The following MOCOS variants were observed in gnomAD, a reference collection of about 807,000 sequenced individuals.
MOCOS encodes human molybdenum cofactor sulfurase.
MOCOS carries 86 observed loss-of-function variants against 83.6 expected under a neutral mutation model. The ratio of observed to expected loss-of-function variants is 1.03; its 90% CI spans 0.86 to 1.23. The LOEUF is 1.23. Among genes scored for constraint, MOCOS ranks in the 50% most tolerant of loss-of-function variants. MOCOS has a pLI of 0.00. For missense variants in MOCOS, 1,120 were observed against 1,126.9 expected, an observed-to-expected ratio of 0.99 and a Z score of 0.09; for synonymous variants, 445 against 434.7, an observed-to-expected ratio of 1.02 and a Z score of -0.29.
chr18:36,267,107 CA>C (rs199868648), intron 14 of MOCOS, among the ~76,000 whole-genome samples: 2 of 151,124 alleles, frequency 1.3e-5, no homozygotes, highest in Admixed American at 6.6e-5. Context: ...ATATGGAGTA[CA>C]AAAAAAACAA....
intron 8 of MOCOS, among the ~76,000 whole-genome samples, chr18:36,218,559 G>T (rs1378749671): frequency 6.6e-6 from 1 of 152,086 alleles, no homozygotes; most frequent in African/African-American, 2.4e-5. Flanking sequence ...CTGTCTCCCA[G>T]GCTGGAATAC....
rs760681657 is a variant in MOCOS at position 36,199,991 on chromosome 18, A to G, written c.608A>G (p.Gln203Arg). ...CCGCATCTCTTCTGCTACCCAGCTC[A>G]GAGTAACTTTTCTGGAGTCAGATAC... ...QLPHLFCYPA[Q>R]SNFSGVRYPL... The change falls in exon 4 of 15, where the codon CAG becomes CGG. Residue 203 changes from glutamine to arginine, a missense_variant. Coordinates refer to ENST00000261326, the MANE Select transcript of MOCOS (RefSeq NM_017947.4). 1.9e-6 allele frequency: 3 copies of G among 1,614,244 alleles called. No homozygotes were observed. Among genetic ancestry groups the G allele is most frequent in the South Asian group, 1.1e-5 (1 of 91,082 alleles).
At position 36,271,521 on chromosome 18, in the gene MOCOS, G is replaced by A. The variant is rs1471534272; in HGVS notation, c.*2836G>A. 1 of 151,890 alleles carries A rather than the reference G, an allele frequency of 6.6e-6. No homozygotes were observed. The highest frequency in any genetic ancestry group is 2.4e-5 in the African/African-American group (1 of 41,326). The allele number at this position is 151,890 out of a possible 1,614,324, so 9.4% of individuals were successfully genotyped here. A position where few individuals can be genotyped will look rare whatever the true frequency, so the allele number is the denominator to read the frequency against. On this transcript the variant is annotated 3_prime_UTR_variant, in exon 15 of 15. Coordinates refer to ENST00000261326, the MANE Select transcript of MOCOS (RefSeq NM_017947.4). ...TTTATGATTTTATGTCCCCTCCTTGGTTCTTATCTCCTGGAGTTCAGCCTT... is the reference window on the plus strand; with the variant it reads ...TTTATGATTTTATGTCCCCTCCTTGATTCTTATCTCCTGGAGTTCAGCCTT...
intron 2 of MOCOS, among the ~76,000 whole-genome samples, chr18:36,198,424 AT>A (rs2091398667): frequency 6.6e-6 from 1 of 152,136 alleles, no homozygotes; most frequent in Non-Finnish European, 1.5e-5. Context: ...GATGTAGCAT[AT>A]TTTGTTTATC....
chr18:36,202,352 G>A (rs1474031502), intron 4 of MOCOS, among the ~76,000 whole-genome samples: 2 of 152,100 alleles, frequency 1.3e-5, no homozygotes, highest in Admixed American at 1.3e-4. Context: ...ATGGGGTCTT[G>A]CTATCTAGAG....
chr18:36,244,629 T>C (rs1298285907), intron 9 of MOCOS, among the ~76,000 whole-genome samples: 1 of 152,158 alleles, frequency 6.6e-6, no homozygotes, highest in East Asian at 1.9e-4. Flanking sequence ...TAAATATCTG[T>C]TAAGTCCATT....
At chr18:36,262,241 G>GTC (rs1217623339) in intron 13 of MOCOS, among the ~76,000 whole-genome samples, 1 of 7,582 alleles carries the variant, frequency 1.3e-4, no homozygotes, top group East Asian at 5.3e-3. Flanking sequence ...GCAAGACTTC[G>GTC]TCTCTCTCTA....
chr18:36,257,023 G>A lies in MOCOS; in HGVS notation c.2220G>A (p.Leu740=). ...CTCTGGTGAATGAGGCACAGTATCT[G>A]CTGATCAACACATCCAGTATTTTGG... ...TLSLVNEAQY[L]LINTSSILEL... is the part of the protein sequence containing the mutation. The change falls in exon 12 of 15, where the codon CTG becomes CTA. Residue 740 remains leucine, a synonymous_variant. Transcript: ENST00000261326. 1 of 1,614,134 alleles carries A rather than the reference G, an allele frequency of 6.2e-7. No homozygotes were observed. The highest frequency in any genetic ancestry group is 1.1e-5 in the South Asian group (1 of 91,082).
chr18:36,245,478 T>C (rs2091599078), intron 9 of MOCOS, among the ~76,000 whole-genome samples: 1 of 152,218 alleles, frequency 6.6e-6, no homozygotes, highest in Non-Finnish European at 1.5e-5. Flanking sequence ...ACTTGCAAGG[T>C]TTCTGCTGAG....
At position 36,215,511 on chromosome 18, in the gene MOCOS, C is replaced by G. The variant is rs1229575230; in HGVS notation, c.1336-5C>G. The G allele has an allele frequency of 6.2e-7, 1 of 1,613,208 alleles. No individual in the cohort carries two copies. Among genetic ancestry groups the G allele is most frequent in the African/African-American group, 1.3e-5 (1 of 74,908 alleles). On this transcript the variant is annotated splice_polypyrimidine_tract_variant and splice_region_variant and intron_variant, in intron 7 of 14. Coordinates refer to ENST00000261326, the MANE Select transcript of MOCOS (RefSeq NM_017947.4). ...TCTGGCTGATGCACTTCCCTCTTAT[C>G]CTAGGCTGGTCATGTCTGTGGGGAC...
At position 36,268,728 on chromosome 18, in the gene MOCOS, A is replaced by G. The variant is rs2091690051; in HGVS notation, c.*43A>G. On this transcript the variant is annotated 3_prime_UTR_variant, in exon 15 of 15. Transcript: ENST00000261326. ...AAGTTTCTCTTTTACAGTGATCTCT[A>G]TTATTGTTAAGATCTGCAACTTGGT... The G allele has an allele frequency of 2.0e-6, 3 of 1,519,146 alleles. No individual in the cohort carries two copies. Among genetic ancestry groups the G allele is most frequent in the Non-Finnish European group, 2.7e-6 (3 of 1,095,232 alleles). 94.1% of individuals were successfully genotyped at this position (1,519,146 alleles called of 1,614,324 possible).
chr18:36,207,127 C>T (rs1388015336), intron 6 of MOCOS, among the ~76,000 whole-genome samples: 4 of 152,174 alleles, frequency 2.6e-5, no homozygotes, highest in Non-Finnish European at 4.4e-5. Flanking sequence ...AACTCCGCCT[C>T]CTGGGTTCAA....
In MOCOS at chr18:36,239,629, C is replaced by T. The variant is rs1311651180; in HGVS notation, c.1961-9293C>T. Among the ~76,000 whole-genome samples the T allele has an allele frequency of 4.1e-5, 6 of 146,614 alleles. No homozygotes were observed. The South Asian group carries it at 6.5e-4, about 16-fold the overall frequency. On this transcript the variant is annotated intron_variant, in intron 9 of 14. Transcript: ENST00000261326. Reference sequence around the variant, plus strand: ...TTATGTGTCTTGGAGTTGCTCTTCTCGAGGAATATCTTTGTGGCGTTCTCC... The same window carrying T: ...TTATGTGTCTTGGAGTTGCTCTTCTTGAGGAATATCTTTGTGGCGTTCTCC...
intron 13 of MOCOS, among the ~76,000 whole-genome samples, chr18:36,263,403 AC>A (rs1318053450): frequency 6.6e-6 from 1 of 152,258 alleles, no homozygotes. Flanking sequence ...AAGTGTTTCA[AC>A]CCATGGAATG....
rs1271103528 is a variant in MOCOS at position 36,216,012 on chromosome 18, CT to C, written c.1797+38del. The C allele has an allele frequency of 3.2e-6, 5 of 1,561,990 alleles. No homozygotes were observed. In the African/African-American group the frequency reaches 6.8e-5, roughly 21 times the overall value. On this transcript the variant is annotated intron_variant, in intron 8 of 14. Transcript: ENST00000261326. Reference sequence around the variant, plus strand: ...TTCACAGCAGCACAGAAAGTCTTCTCTTTGTTTACTCTCTCTATTTTTTGAT... The same window carrying C: ...TTCACAGCAGCACAGAAAGTCTTCTCTTGTTTACTCTCTCTATTTTTTGAT...
At chr18:36,211,699 A>T (rs982824304) in intron 6 of MOCOS, among the ~76,000 whole-genome samples, 2 of 152,074 alleles carry the variant, frequency 1.3e-5, no homozygotes, top group Non-Finnish European at 2.9e-5. Context: ...GATGCATAAA[A>T]GGGAAATTAG....
At chr18:36,249,075 A>G (rs1267431807) in intron 10 of MOCOS, 75 bp downstream of exon 10, 3 of 1,252,054 alleles carry the variant, frequency 2.4e-6, no homozygotes, top group African/African-American at 1.5e-5. Context: ...GTAATGCCCT[A>G]TGCAATCTAT....
intron 7 of MOCOS, among the ~76,000 whole-genome samples, chr18:36,213,841 A>T (rs994555334): frequency 3.3e-5 from 5 of 151,988 alleles, no homozygotes; most frequent in Non-Finnish European, 5.9e-5. Flanking sequence ...AGGCAGGAGA[A>T]TCGTTTGAGC....
At chr18:36,218,907 C>T (rs1398067767) in intron 8 of MOCOS, among the ~76,000 whole-genome samples, 7 of 150,580 alleles carry the variant, frequency 4.6e-5, no homozygotes, top group East Asian at 1.9e-4. Context: ...CTCGCTCTGT[C>T]GCCCAGACTG....
Sources: allele counts gnomAD v4.1 joint callset (sites outside exome capture counted in the v4.1 genomes callset), GRCh38; gene constraint gnomAD v4.1.1; transcripts MANE v1.5; gene names NCBI Gene and HGNC (gene_info 2026-07-23, HGNC 2026-07-21).